Variants in MTDH observed in about 807,000 individuals in gnomAD.
The protein encoded by MTDH is protein LYRIC.
MTDH carries 34 observed loss-of-function variants against 72.7 expected under a neutral mutation model. That is an observed-to-expected ratio of 0.47 (90% confidence interval 0.36 to 0.62). The LOEUF (loss-of-function observed/expected upper bound fraction) is 0.62. Among genes scored for constraint, MTDH ranks in the 20% least tolerant of loss-of-function variants. The pLI is 0.00. For synonymous variants in MTDH, 266 were observed against 268.9 expected (o/e 0.99, Z 0.10); for missense variants, 677 against 699.4 (o/e 0.97, Z 0.36).
At chr8:97,689,326 C>G (rs1346666109) in intron 5 of MTDH, among the ~76,000 whole-genome samples, 1 of 151,828 alleles carries the variant, frequency 6.6e-6, no homozygotes, top group African/African-American at 2.4e-5. Flanking sequence ...GTCTTTTTCC[C>G]CCATATATAA....
At chr8:97,684,137 C>T (rs1813261317) in intron 2 of MTDH, among the ~76,000 whole-genome samples, 1 of 131,604 alleles carries the variant, frequency 7.6e-6, no homozygotes, top group Admixed American at 7.5e-5. Flanking sequence ...AAAACTCCTT[C>T]TCAAAAAAAA....
intron 2 of MTDH, among the ~76,000 whole-genome samples, chr8:97,680,558 A>C (rs1813029210): frequency 6.6e-6 from 1 of 152,214 alleles, no homozygotes; most frequent in African/African-American, 2.4e-5. Flanking sequence ...ATATAACACA[A>C]AGATTTTTTT....
At chr8:97,709,289 A>G (rs1003754514) in intron 8 of MTDH, among the ~76,000 whole-genome samples, 1 of 152,002 alleles carries the variant, frequency 6.6e-6, no homozygotes, top group Admixed American at 6.6e-5. Context: ...GTGAAAGTCA[A>G]CAGTGGGGAA....
intron 1 of MTDH, among the ~76,000 whole-genome samples, chr8:97,654,394 AAAAC>A (rs1431446138): frequency 2.0e-5 from 3 of 152,198 alleles, no homozygotes; most frequent in Non-Finnish European, 2.9e-5. Flanking sequence ...TTTCAGAACT[AAAAC>A]AAACTTACCA....
Position 97,691,037 on chromosome 8 carries a change from A to G in MTDH, c.897A>G (p.Ala299=). 1 of 1,614,122 alleles carries G rather than the reference A, an allele frequency of 6.2e-7. No individual in the cohort carries two copies. The highest frequency in any genetic ancestry group is 8.5e-7 in the Non-Finnish European group (1 of 1,179,946). Residue 299 remains alanine (A), a synonymous_variant, in exon 6 of 12, where the codon GCA becomes GCG. Coordinates refer to ENST00000336273, the MANE Select transcript of MTDH (RefSeq NM_178812.4). ...KSVKLSSQIS[A]GEEKWNSVSP... ...TAAAACTCTCCTCACAGATCAGTGC[A>G]GGTGAGGAGAAGTGGAACTCCGTTT...
chr8:97,669,714 C>T (rs1045629524), intron 2 of MTDH, among the ~76,000 whole-genome samples: 1 of 151,174 alleles, frequency 6.6e-6, no homozygotes, highest in Non-Finnish European at 1.5e-5. Flanking sequence ...GTCAGGAGTT[C>T]GAGACCAGCC....
intron 1 of MTDH, among the ~76,000 whole-genome samples, chr8:97,656,301 C>CTTTTTTT (rs34020581): frequency 8.5e-6 from 1 of 117,942 alleles, no homozygotes; most frequent in Non-Finnish European, 1.7e-5. Context: ...ATTAAGCATA[C>CTTTTTTT]TTTTTTTTTT....
At position 97,669,280 on chromosome 8, in the gene MTDH, G is replaced by C. The variant is rs959654480; in HGVS notation, c.483+8107G>C. On this transcript the variant is annotated intron_variant, in intron 2 of 11. Transcript: ENST00000336273. Reference sequence around the variant, plus strand: ...TTCTCCTGCCTCAGCCTCCCTAGTAGCTGGGATTACAGGCACCTGCCACCA... The same window carrying C: ...TTCTCCTGCCTCAGCCTCCCTAGTACCTGGGATTACAGGCACCTGCCACCA... Among the ~76,000 whole-genome samples, 7 of 152,036 alleles carry C rather than the reference G, an allele frequency of 4.6e-5. No homozygotes were observed. The East Asian group carries it at 9.8e-4, about 21-fold the overall frequency.
At chr8:97,677,981 T>G (rs1167801456) in intron 2 of MTDH, among the ~76,000 whole-genome samples, 1 of 152,206 alleles carries the variant, frequency 6.6e-6, no homozygotes, top group Non-Finnish European at 1.5e-5. Flanking sequence ...CCAATCAAAA[T>G]GCATTCATTC....
intron 2 of MTDH, among the ~76,000 whole-genome samples, chr8:97,684,051 C>T (rs1460022032): frequency 6.6e-6 from 1 of 150,418 alleles, no homozygotes; most frequent in Non-Finnish European, 1.5e-5. Context: ...GCAGGAGAAT[C>T]GCTTGAACCC....
intron 1 of MTDH, among the ~76,000 whole-genome samples, chr8:97,654,801 A>G (rs1811905560): frequency 1.3e-5 from 2 of 152,120 alleles, no homozygotes; most frequent in Admixed American, 1.3e-4. Context: ...ACTTTTAGCC[A>G]ATAAAATTGA....
At chr8:97,651,180 T>C (rs1468993673) in intron 1 of MTDH, among the ~76,000 whole-genome samples, 7 of 152,238 alleles carry the variant, frequency 4.6e-5, no homozygotes, top group Admixed American at 4.6e-4. Flanking sequence ...CTGGTCACAA[T>C]ATTTTCACCA....
At chr8:97,686,248 GTATT>G (rs1323854915) in intron 2 of MTDH, among the ~76,000 whole-genome samples, 3 of 152,182 alleles carry the variant, frequency 2.0e-5, no homozygotes, top group Non-Finnish European at 4.4e-5. Flanking sequence ...TTACAGTACT[GTATT>G]TATGACGTAA....
chr8:97,708,936 A>G (rs1425381520), intron 8 of MTDH, among the ~76,000 whole-genome samples: 1 of 151,522 alleles, frequency 6.6e-6, no homozygotes, highest in Non-Finnish European at 1.5e-5. Flanking sequence ...GGCCGGGCAC[A>G]GTGGCTCCCA....
intron 8 of MTDH, 68 bp downstream of exon 8, chr8:97,706,818 G>C: frequency 6.6e-7 from 1 of 1,512,718 alleles, no homozygotes. Context: ...AGTGGCTCAC[G>C]CCTATGATTC....
intron 11 of MTDH, 72 bp from the exon 12 acceptor site, chr8:97,724,525 TTTA>T: frequency 9.9e-7 from 1 of 1,006,528 alleles, no homozygotes; most frequent in Non-Finnish European, 1.5e-6. Context: ...AGTTACTACT[TTTA>T]TATTATTGAG....
intron 6 of MTDH, among the ~76,000 whole-genome samples, chr8:97,697,148 A>ATTTTTTT (rs1324445962): frequency 2.9e-5 from 2 of 68,478 alleles, no homozygotes; most frequent in African/African-American, 9.8e-5. Context: ...ATATATATAT[A>ATTTTTTT]TATTTTTTTT....
chr8:97,675,670 G>A (rs572365243), intron 2 of MTDH, among the ~76,000 whole-genome samples: 13 of 151,998 alleles, frequency 8.6e-5, no homozygotes, highest in Admixed American at 3.3e-4. Flanking sequence ...TCAAGAGTTC[G>A]AAACAAGCCT....
chr8:97,712,914 T>C (rs1814694483), intron 8 of MTDH, among the ~76,000 whole-genome samples: 1 of 152,176 alleles, frequency 6.6e-6, no homozygotes, highest in African/African-American at 2.4e-5. Context: ...ATTGTACAGA[T>C]ACTAGTTCCA....
Sources: gnomAD v4.1 joint callset for allele counts (sites outside exome capture counted in the v4.1 genomes callset) on GRCh38, gnomAD v4.1.1 for gene constraint, MANE v1.5 for transcripts, NCBI Gene and HGNC (gene_info 2026-07-23, HGNC 2026-07-21) for gene names.